Variants in GALNT13 observed in about 807,000 individuals in gnomAD.
GALNT13 encodes the protein UDP-GalNAc:polypeptide N-acetylgalactosaminyltransferase 13.
GALNT13 carries 28 observed loss-of-function variants against 64.2 expected under a neutral mutation model. The observed-to-expected ratio is 0.44, with a 90% CI of 0.32 to 0.60. GALNT13 has a LOEUF of 0.60. Among genes scored for constraint, GALNT13 ranks in the 20% least tolerant of loss-of-function variants. The pLI is 0.05. For synonymous variants in GALNT13, 214 were observed against 224.6 expected (o/e 0.95, Z 0.42); for missense variants, 577 against 669.8 (o/e 0.86, Z 1.53).
At chr2:153,633,136 C>T in the GALNT13 span, among the ~76,000 whole-genome samples, 1 of 152,102 alleles carries the variant, frequency 6.6e-6, no homozygotes, top group Non-Finnish European at 1.5e-5. Flanking sequence ...TATACCTATA[C>T]AAGGCATCTT....
the GALNT13 span, among the ~76,000 whole-genome samples, chr2:153,381,983 A>G: frequency 6.6e-6 from 1 of 152,204 alleles, no homozygotes; most frequent in South Asian, 2.1e-4. Context: ...ATAATTCCAT[A>G]TAGCTAATGG....
chr2:154,425,257 C>G lies in GALNT13; in HGVS notation c.1396-13335C>G, dbSNP rs115974881. Among the ~76,000 whole-genome samples the G allele has an allele frequency of 3.9e-3, 592 of 152,194 alleles. 4 individuals are homozygous for G. The highest frequency in any genetic ancestry group is 0.036 in the South Asian group (174 of 4,824). ...AAAATTGTATGAAATGTTACAAAAA[C>G]ACCTGTAAAAGACATTCAGATGGGA... On this transcript the variant is annotated intron_variant, in intron 11 of 12. Coordinates refer to ENST00000392825, the MANE Select transcript of GALNT13 (RefSeq NM_052917.4).
At chr2:153,365,483 C>T in the GALNT13 span, among the ~76,000 whole-genome samples, 1 of 152,044 alleles carries the variant, frequency 6.6e-6, no homozygotes, top group African/African-American at 2.4e-5. Context: ...AATTTTTTTG[C>T]AATCTACCCA....
chr2:153,674,322 C>G, the GALNT13 span, among the ~76,000 whole-genome samples: 1 of 152,086 alleles, frequency 6.6e-6, no homozygotes, highest in African/African-American at 2.4e-5. Context: ...CTACAGTAAC[C>G]AAAACAGCAT....
At chr2:154,402,038 G>A (rs1699324624) in intron 10 of GALNT13, among the ~76,000 whole-genome samples, 1 of 152,128 alleles carries the variant, frequency 6.6e-6, no homozygotes, top group Non-Finnish European at 1.5e-5. Context: ...GGAATTCACT[G>A]CAAATGTGCT....
At chr2:153,455,030 G>C in the GALNT13 span, among the ~76,000 whole-genome samples, 1 of 152,062 alleles carries the variant, frequency 6.6e-6, no homozygotes, top group East Asian at 1.9e-4. Context: ...TGATTTTTTT[G>C]AGTGGGGGAA....
intron 4 of GALNT13, among the ~76,000 whole-genome samples, chr2:154,146,151 T>TATAC (rs1331003965): frequency 1.5e-5 from 2 of 136,010 alleles, no homozygotes; most frequent in East Asian, 2.0e-4. Context: ...TATATATATA[T>TATAC]ACACACACAC....
intron 3 of GALNT13, among the ~76,000 whole-genome samples, chr2:154,032,015 G>C (rs1698370224): frequency 6.6e-6 from 1 of 151,440 alleles, no homozygotes; most frequent in Non-Finnish European, 1.5e-5. Flanking sequence ...TATAATATCA[G>C]AACAGAAAAA....
chr2:154,339,674 T>C (rs1350341341), intron 9 of GALNT13, among the ~76,000 whole-genome samples: 1 of 152,186 alleles, frequency 6.6e-6, no homozygotes, highest in African/African-American at 2.4e-5. Context: ...GGGTGTCTAC[T>C]TTAGTGACAA....
the GALNT13 span, among the ~76,000 whole-genome samples, chr2:153,661,404 A>G: frequency 6.6e-6 from 1 of 152,178 alleles, no homozygotes; most frequent in Non-Finnish European, 1.5e-5. Flanking sequence ...ATTCACAGTG[A>G]GCTTTAAATG....
chr2:153,703,514 T>C, the GALNT13 span, among the ~76,000 whole-genome samples: 1 of 152,180 alleles, frequency 6.6e-6, no homozygotes, highest in African/African-American at 2.4e-5. Context: ...TATTTCTTTC[T>C]TCCCTTACTT....
chr2:153,379,262 T>C, the GALNT13 span, among the ~76,000 whole-genome samples: 738 of 152,276 alleles, frequency 4.8e-3, 6 homozygotes, highest in African/African-American at 0.017. Flanking sequence ...CCTAGCAATG[T>C]ATATTCCATC....
the GALNT13 span, among the ~76,000 whole-genome samples, chr2:153,261,105 C>T: frequency 6.6e-6 from 1 of 151,776 alleles, no homozygotes; most frequent in Non-Finnish European, 1.5e-5. Context: ...GAATTCATCC[C>T]CTGTGTTATC....
chr2:154,224,853 C>G (rs571352667), intron 4 of GALNT13, among the ~76,000 whole-genome samples: 2 of 152,206 alleles, frequency 1.3e-5, no homozygotes, highest in East Asian at 3.9e-4. Flanking sequence ...TGTGGTGATA[C>G]TGCACATGCA....
At chr2:154,144,682 A>G (rs1379093080) in intron 4 of GALNT13, among the ~76,000 whole-genome samples, 2 of 152,094 alleles carry the variant, frequency 1.3e-5, no homozygotes, top group African/African-American at 4.8e-5. Flanking sequence ...GCTAATATCA[A>G]TTTACAAATA....
chr2:153,430,098 G>A, the GALNT13 span, among the ~76,000 whole-genome samples: 6 of 152,176 alleles, frequency 3.9e-5, no homozygotes, highest in Middle Eastern at 3.4e-3. Context: ...TGCCTCAACC[G>A]TTAAGTGATG....
chr2:153,278,953 G>A, the GALNT13 span, among the ~76,000 whole-genome samples: 1 of 152,140 alleles, frequency 6.6e-6, no homozygotes, highest in African/African-American at 2.4e-5. Flanking sequence ...GGGCAATATG[G>A]CCATTTTAAT....
chr2:153,193,943 G>A, the GALNT13 span, among the ~76,000 whole-genome samples: 14 of 151,116 alleles, frequency 9.3e-5, no homozygotes, highest in Admixed American at 9.2e-4. Flanking sequence ...TGGCCTATAA[G>A]ATTTCTGCTG....
chr2:153,568,522 T>C, the GALNT13 span, among the ~76,000 whole-genome samples: 3 of 152,230 alleles, frequency 2.0e-5, no homozygotes, highest in African/African-American at 7.2e-5. Flanking sequence ...AAGTATGTTT[T>C]TTAAGATTTA....
Sources: gnomAD v4.1 joint callset for allele counts (sites outside exome capture counted in the v4.1 genomes callset) on GRCh38, gnomAD v4.1.1 for gene constraint, MANE v1.5 for transcripts, NCBI Gene and HGNC (gene_info 2026-07-23, HGNC 2026-07-21) for gene names.